The following AUTS2 variants were observed in gnomAD, a reference collection of about 807,000 sequenced individuals.
AUTS2 encodes the protein activator of transcription and developmental regulator AUTS2, also known as autism susceptibility gene 2 protein.
AUTS2 carries 17 observed loss-of-function variants against 112.4 expected under a neutral mutation model. The observed-to-expected ratio is 0.15, with a 90% CI of 0.10 to 0.23. The LOEUF is 0.23. Ranked by LOEUF, AUTS2 falls within the 10% of genes least tolerant of loss-of-function variation. The pLI, the probability that AUTS2 is intolerant of heterozygous loss-of-function variation, is 1.00. For synonymous variants in AUTS2, 751 were observed against 702.7 expected (o/e 1.07, Z -1.09); for missense variants, 1,510 against 1,701.6 (o/e 0.89, Z 1.98).
intron 2 of AUTS2, among the ~76,000 whole-genome samples, chr7:70,063,653 A>G (rs1802359015): frequency 6.6e-6 from 1 of 152,300 alleles, no homozygotes; most frequent in East Asian, 1.9e-4. Context: ...CAGCAGTGGC[A>G]GTGTTCATTT....
intron 4 of AUTS2, among the ~76,000 whole-genome samples, chr7:70,428,009 G>C (rs1295898168): frequency 6.6e-6 from 1 of 152,102 alleles, no homozygotes; most frequent in Non-Finnish European, 1.5e-5. Flanking sequence ...CTTTATTCTT[G>C]TAAACTGTTG....
chr7:70,554,506 C>A (rs537271798), intron 5 of AUTS2, among the ~76,000 whole-genome samples: 16 of 147,680 alleles, frequency 1.1e-4, no homozygotes, highest in African/African-American at 3.5e-4. Context: ...TTATTAATAA[C>A]CCCCAACCCA....
intron 2 of AUTS2, among the ~76,000 whole-genome samples, chr7:70,082,651 C>T (rs568924514): frequency 6.6e-6 from 1 of 152,318 alleles, no homozygotes; most frequent in African/African-American, 2.4e-5. Context: ...TTTCTGTTAA[C>T]AGAATATCTC....
intron 4 of AUTS2, among the ~76,000 whole-genome samples, chr7:70,372,990 A>G (rs1197995394): frequency 6.6e-6 from 1 of 152,186 alleles, no homozygotes; most frequent in Non-Finnish European, 1.5e-5. Flanking sequence ...AGTTCACACC[A>G]GAGCAACCAG....
chr7:70,573,522 CG>C (rs1420394152), intron 5 of AUTS2, among the ~76,000 whole-genome samples: 4 of 152,176 alleles, frequency 2.6e-5, no homozygotes, highest in African/African-American at 9.7e-5. Context: ...GACTTTCACA[CG>C]CTTAATTTAT....
At chr7:70,161,985 A>G (rs567878074) in intron 4 of AUTS2, among the ~76,000 whole-genome samples, 2 of 152,272 alleles carry the variant, frequency 1.3e-5, no homozygotes, top group East Asian at 1.9e-4. Context: ...TAGGAGAATG[A>G]TTATTCATTT....
At chr7:70,204,978 G>A (rs1294132998) in intron 4 of AUTS2, among the ~76,000 whole-genome samples, 1 of 152,138 alleles carries the variant, frequency 6.6e-6, no homozygotes. Context: ...TGGTGACTGT[G>A]TCCATCACTT....
At chr7:70,584,345 G>A (rs1215744595) in intron 5 of AUTS2, among the ~76,000 whole-genome samples, 1 of 152,250 alleles carries the variant, frequency 6.6e-6, no homozygotes, top group Non-Finnish European at 1.5e-5. Flanking sequence ...AAAGCAGGCT[G>A]ATAATTATTA....
chr7:70,784,360 C>G (rs1791291868), intron 15 of AUTS2: 1 of 152,584 alleles, frequency 6.6e-6, no homozygotes, highest in Admixed American at 6.5e-5. Context: ...AGGACCACCC[C>G]TCCTGAGCCA....
chr7:69,983,080 TTTC>T (rs528933549), intron 2 of AUTS2, among the ~76,000 whole-genome samples: 13 of 152,226 alleles, frequency 8.5e-5, no homozygotes, highest in African/African-American at 1.2e-4. Flanking sequence ...ATTTGAACCT[TTTC>T]TTCCATTCTG....
intron 5 of AUTS2, among the ~76,000 whole-genome samples, chr7:70,618,659 C>CCA (rs1322099385): frequency 3.9e-5 from 6 of 152,140 alleles, no homozygotes; most frequent in Non-Finnish European, 8.8e-5. Context: ...CCCCCTCACC[C>CCA]CACACACACA....
intron 4 of AUTS2, among the ~76,000 whole-genome samples, chr7:70,139,210 A>G (rs1393349785): frequency 6.6e-6 from 1 of 152,070 alleles, no homozygotes; most frequent in South Asian, 2.1e-4. Flanking sequence ...CAAGCTATCT[A>G]CCCACCTTGG....
Position 70,790,141 on chromosome 7 carries a change from G to A in AUTS2, c.2925G>A (p.Lys975=). 1.9e-6 allele frequency: 3 copies of A among 1,609,538 alleles called. No homozygotes were observed. The highest frequency in any genetic ancestry group is 1.1e-5 in the South Asian group (1 of 90,564). ...GTGAGCCGGCCTACGAGAACCCCAA[G>A]AAGAGCTCCGAGGTCAAGGTGAAGG... ...RKGEPAYENP[K]KSSEVKVKEE... The change falls in exon 19 of 19, where the codon AAG becomes AAA. Residue 975 remains lysine (K), a synonymous_variant. Coordinates refer to ENST00000342771, the MANE Select transcript of AUTS2 (RefSeq NM_015570.4). This position sits in a 1 kb window ranked among gnomAD's most constrained non-coding sequence, Gnocchi z 7.6.
intron 2 of AUTS2, among the ~76,000 whole-genome samples, chr7:70,104,337 G>C (rs1804659152): frequency 6.6e-6 from 1 of 152,006 alleles, no homozygotes; most frequent in Admixed American, 6.6e-5. Context: ...GCCATTGTAA[G>C]GATAAATTTA....
intron 4 of AUTS2, among the ~76,000 whole-genome samples, chr7:70,247,066 C>T (rs1262335222): frequency 6.6e-6 from 1 of 152,002 alleles, no homozygotes; most frequent in Non-Finnish European, 1.5e-5. Context: ...ATTTGTTCAC[C>T]AATGTTCATA....
chr7:70,489,136 T>C (rs192468646), intron 5 of AUTS2, among the ~76,000 whole-genome samples: 200 of 152,316 alleles, frequency 1.3e-3, no homozygotes, highest in Admixed American at 5.3e-3. Context: ...AAGCAACTCA[T>C]TCTGGGAGAA....
chr7:69,720,729 GA>G (rs1798886880), intron 1 of AUTS2, among the ~76,000 whole-genome samples: 1 of 152,136 alleles, frequency 6.6e-6, no homozygotes, highest in African/African-American at 2.4e-5. Flanking sequence ...GCTTTTTAGG[GA>G]GGAAATTCTG....
intron 4 of AUTS2, among the ~76,000 whole-genome samples, chr7:70,165,958 A>G (rs1259416581): frequency 1.3e-5 from 2 of 152,128 alleles, no homozygotes; most frequent in African/African-American, 4.8e-5. Flanking sequence ...TGTTCTCATG[A>G]TAGCGAGTGA....
chr7:69,718,987 C>T (rs549589871), intron 1 of AUTS2, among the ~76,000 whole-genome samples: 1 of 152,318 alleles, frequency 6.6e-6, no homozygotes, highest in South Asian at 2.1e-4. Flanking sequence ...TAGAGATCCT[C>T]TTAGCCAGCC....
Sources: gnomAD v4.1 joint callset for allele counts (sites outside exome capture counted in the v4.1 genomes callset) on GRCh38, gnomAD v4.1.1 for gene constraint, Gnocchi (gnomAD v3.1) non-coding constraint, MANE v1.5 for transcripts, NCBI Gene and HGNC (gene_info 2026-07-23, HGNC 2026-07-21) for gene names.